TKT: variants seen among roughly 807,000 people sequenced by gnomAD.
TKT encodes transketolase.
Under a neutral mutation model 63.9 loss-of-function variants are expected in TKT, and 47 were observed. That is an observed-to-expected ratio of 0.74 (90% CI 0.58 to 0.94). The LOEUF is 0.94. TKT is among the 40% of genes least tolerant of loss of function. The probability of loss-of-function intolerance (pLI) is 0.00; values close to 1 mark genes in which losing one functional copy is unlikely to be tolerated. For missense variants in TKT, 721 were observed against 846.2 expected, an observed-to-expected ratio of 0.85 and a Z score of 1.84; for synonymous variants, 338 against 334.1, an observed-to-expected ratio of 1.01 and a Z score of -0.13.
chr3:53,229,089 C>A lies in TKT; in HGVS notation c.1313G>T (p.Arg438Leu). 1 of 1,614,128 alleles carries A rather than the reference C, an allele frequency of 6.2e-7. No individual in the cohort carries two copies. Among genetic ancestry groups the A allele is most frequent in the Non-Finnish European group, 8.5e-7 (1 of 1,180,014 alleles). Residue 438 changes from arginine (R) to leucine (L), a missense_variant, in exon 10 of 14, where the codon CGG (arginine) becomes CTG (leucine). Arg to Leu is a moderately radical substitution (Grantham distance 102, BLOSUM62 -2). Transcript: ENST00000462138. Reference sequence around the variant, plus strand: ...AAAGACAGTTGATGTGGGGACTGACCGAAACATAGCCAGATCTTCTAGGGC... The same window carrying A: ...AAAGACAGTTGATGTGGGGACTGACAGAAACATAGCCAGATCTTCTAGGGC... ...QMALEDLAMF[R>L]SVPTSTVFYP...
At chr3:53,229,470 G>C in intron 8 of TKT, 34 bp from the exon 9 acceptor site, 2 of 1,580,040 alleles carry the variant, frequency 1.3e-6, no homozygotes, top group Non-Finnish European at 1.7e-6. Context: ...AGCCCAAAGG[G>C]GCAGGCAGAG....
chr3:53,231,754 T>A, intron 6 of TKT: 1 of 576,842 alleles, frequency 1.7e-6, no homozygotes, highest in Non-Finnish European at 3.1e-6. Flanking sequence ...TGCCCACCAC[T>A]CACTGTCTAC....
intron 1 of TKT, among the ~76,000 whole-genome samples, chr3:53,247,446 C>T (rs539838003): frequency 6.6e-6 from 1 of 151,094 alleles, no homozygotes; most frequent in South Asian, 2.1e-4. Context: ...ACCGGCCTGG[C>T]CAACATGGCA....
At chr3:53,234,667 C>T (rs113568869) in intron 5 of TKT, 7 of 238,010 alleles carry the variant, frequency 2.9e-5, no homozygotes, top group African/African-American at 1.3e-4. Flanking sequence ...ACCGAGCAAG[C>T]CCCCATCCCT....
At chr3:53,228,833 A>T in intron 10 of TKT, 174 bp downstream of exon 10, 1 of 878,968 alleles carries the variant, frequency 1.1e-6, no homozygotes, top group Non-Finnish European at 1.8e-6. Context: ...ACGTGGCAGT[A>T]AGTGGGGTGT....
At position 53,225,710 on chromosome 3, in the gene TKT, G is replaced by A. The variant is rs782816977; in HGVS notation, c.*46C>T. Reference sequence around the variant, plus strand: ...AGTACATCTTTGAGCACCTTTCCCAGAATCTCAGGAATGTATAGACCCCCG... The same window carrying A: ...AGTACATCTTTGAGCACCTTTCCCAAAATCTCAGGAATGTATAGACCCCCG... On this transcript the variant is annotated 3_prime_UTR_variant, in exon 14 of 14. Transcript: ENST00000462138. 2.0e-6 allele frequency: 3 copies of A among 1,520,948 alleles called. No individual in the cohort carries two copies. In the East Asian group the frequency reaches 7.0e-5, roughly 35 times the overall value. 94.2% of individuals were successfully genotyped at this position (1,520,948 alleles called of 1,614,324 possible).
intron 12 of TKT, chr3:53,227,814 T>C: frequency 4.8e-6 from 2 of 418,526 alleles, no homozygotes; most frequent in South Asian, 5.8e-5. Context: ...GCTGGGGGGG[T>C]CTCGACTTTA....
chr3:53,230,641 A>G lies in TKT; in HGVS notation c.943-20T>C. Reference sequence around the variant, plus strand: ...GGCTATCTGTGAGGAAGAGAGTGGGAAGGCTCTGGACCCCTCTGAGGGTGA... The same window carrying G: ...GGCTATCTGTGAGGAAGAGAGTGGGGAGGCTCTGGACCCCTCTGAGGGTGA... On this transcript the variant is annotated intron_variant, in intron 7 of 13. Transcript: ENST00000462138. 6.2e-7 allele frequency: 1 copy of G among 1,613,882 alleles called. No homozygotes were observed. The highest frequency in any genetic ancestry group is 8.5e-7 in the Non-Finnish European group (1 of 1,179,898).
chr3:53,246,556 A>G (rs1705513047), intron 1 of TKT, among the ~76,000 whole-genome samples: 1 of 152,154 alleles, frequency 6.6e-6, no homozygotes, highest in Admixed American at 6.5e-5. Context: ...TTTTGTATAT[A>G]CTACAAGGAA....
At chr3:53,237,537 G>T (rs551073811) in intron 4 of TKT, among the ~76,000 whole-genome samples, 1 of 116,282 alleles carries the variant, frequency 8.6e-6, no homozygotes, top group East Asian at 3.8e-4. Flanking sequence ...CACACACACT[G>T]GGATTACAGA....
At position 53,228,318 on chromosome 3, in the gene TKT, G is replaced by A. The variant is rs1420612369; in HGVS notation, c.1437C>T (p.Ile479=). 3 of 1,614,072 alleles carry A rather than the reference G, an allele frequency of 1.9e-6. No individual in the cohort carries two copies. The highest frequency in any genetic ancestry group is 1.3e-5 in the African/African-American group (1 of 74,914). ...GGAAGTCCTCATTGTTGTTATAGAT[G>A]ATGGCATTTTCTGGGCGGCTGGTCC... ...FIRTSRPENA[I]IYNNNEDFQV... Residue 479 remains isoleucine, a synonymous_variant, in exon 11 of 14, where the codon ATC becomes ATT. Coordinates refer to ENST00000462138, the MANE Select transcript of TKT (RefSeq NM_001064.4).
At position 53,225,591 on chromosome 3, in the gene TKT, T is replaced by C; in HGVS notation, c.*165A>G. The C allele has an allele frequency of 1.2e-6, 1 of 861,358 alleles. No homozygotes were observed. Among genetic ancestry groups the C allele is most frequent in the Non-Finnish European group, 1.7e-6 (1 of 591,420 alleles). The allele number at this position is 861,358 out of a possible 1,614,324, so 53.4% of individuals were successfully genotyped here. A position where few individuals can be genotyped will look rare whatever the true frequency, so the allele number is the denominator to read the frequency against. ...TCCCTAGCGCACCCTCCACGCTTCT[T>C]CCCCAGAACCTGCACTGGCTGCAAA... On this transcript the variant is annotated 3_prime_UTR_variant, in exon 14 of 14. Transcript: ENST00000462138.
rs782145199 is a variant in TKT, at chr3:53,233,209, T to G, written c.695A>C (p.Lys232Thr). ...EELCKAFGQAKHQPTAIIAKT... is the reference protein window; with the variant it reads ...EELCKAFGQATHQPTAIIAKT... Reference sequence around the variant, plus strand: ...GGCAATGATGGCTGTTGGCTGGTGCTTGGCCTGGCCAAAGGCCTTGCACAG... The same window carrying G: ...GGCAATGATGGCTGTTGGCTGGTGCGTGGCCTGGCCAAAGGCCTTGCACAG... Residue 232 changes from lysine to threonine, a missense_variant, in exon 6 of 14, where the codon AAG becomes ACG. Lys to Thr is a moderately conservative substitution (Grantham distance 78). Coordinates refer to ENST00000462138, the MANE Select transcript of TKT (RefSeq NM_001064.4). The G allele has an allele frequency of 6.2e-7, 1 of 1,613,842 alleles. No homozygotes were observed. Among genetic ancestry groups the G allele is most frequent in the Admixed American group, 1.7e-5 (1 of 59,984 alleles).
intron 10 of TKT, 76 bp downstream of exon 10, chr3:53,228,931 C>A: frequency 1.9e-6 from 3 of 1,574,876 alleles, no homozygotes; most frequent in Non-Finnish European, 2.6e-6. Flanking sequence ...AGCAAGTGAC[C>A]AGCTCTGGCC....
chr3:53,252,538 G>A (rs1705795778), intron 1 of TKT, among the ~76,000 whole-genome samples: 1 of 152,030 alleles, frequency 6.6e-6, no homozygotes, highest in Admixed American at 6.5e-5. Context: ...TTTTGCAAAT[G>A]GATATTTTTT....
At chr3:53,232,392 T>TAC in intron 6 of TKT, 1 of 398,682 alleles carries the variant, frequency 2.5e-6, no homozygotes, top group Non-Finnish European at 4.4e-6. Context: ...TACCTGAGTC[T>TAC]ACATGGGCAG....
chr3:53,251,067 G>T (rs1167501217), intron 1 of TKT, among the ~76,000 whole-genome samples: 2 of 152,170 alleles, frequency 1.3e-5, no homozygotes, highest in African/African-American at 4.8e-5. Context: ...CACCGCACCT[G>T]GCCGGAAGGG....
chr3:53,243,890 C>A (rs913333077), intron 1 of TKT, among the ~76,000 whole-genome samples: 8 of 152,210 alleles, frequency 5.3e-5, no homozygotes, highest in Non-Finnish European at 8.8e-5. Context: ...GGACACTGGG[C>A]CAAACTGTTC....
At position 53,230,558 on chromosome 3, in the gene TKT, T is replaced by C. The variant is rs143727497; in HGVS notation, c.1006A>G (p.Ile336Val). The change falls in exon 8 of 14, where the codon ATC becomes GTC. Residue 336 changes from isoleucine (I) to valine (V), a missense_variant. Ile to Val is a conservative substitution (Grantham distance 29). Transcript: ENST00000462138. Reference sequence around the variant, plus strand: ...TTTTTGGTGTCCCCATCCAGGGCGATGATGCGGTCACTGGCATGGCCCAGC... The same window carrying C: ...TTTTTGGTGTCCCCATCCAGGGCGACGATGCGGTCACTGGCATGGCCCAGC... ...AKLGHASDRI[I>V]ALDGDTKNST... 14 of 1,614,118 alleles carry C rather than the reference T, an allele frequency of 8.7e-6. 3 individuals carry two copies. The highest frequency in any genetic ancestry group is 1.6e-4 in the Middle Eastern group (1 of 6,084).
Sources: allele counts gnomAD v4.1 joint callset (sites outside exome capture counted in the v4.1 genomes callset), GRCh38; gene constraint gnomAD v4.1.1; transcripts MANE v1.5; gene names NCBI Gene and HGNC (gene_info 2026-07-23, HGNC 2026-07-21).